The following MGAT4C variants were observed in gnomAD, a reference collection of about 807,000 sequenced individuals.
MGAT4C encodes the protein MGAT4 family member C.
MGAT4C carries 19 observed loss-of-function variants against 40.1 expected under a neutral mutation model. The ratio of observed to expected loss-of-function variants is 0.47; its 90% CI spans 0.33 to 0.70. The LOEUF (loss-of-function observed/expected upper bound fraction) is 0.70. MGAT4C is among the 30% of genes least tolerant of loss of function. The pLI, the probability that MGAT4C is intolerant of heterozygous loss-of-function variation, is 0.02. For synonymous variants in MGAT4C, 181 were observed against 187.1 expected (o/e 0.97, Z 0.27); for missense variants, 491 against 563.2 (o/e 0.87, Z 1.30).
At chr12:86,734,227 T>C (rs1950952430) in intron 1 of MGAT4C, among the ~76,000 whole-genome samples, 1 of 152,072 alleles carries the variant, frequency 6.6e-6, no homozygotes, top group Admixed American at 6.6e-5. Context: ...AAATAATTGC[T>C]AACAAGAGAT....
chr12:86,691,524 G>A (rs768188949), intron 2 of MGAT4C, among the ~76,000 whole-genome samples: 1 of 152,116 alleles, frequency 6.6e-6, no homozygotes, highest in Non-Finnish European at 1.5e-5. Flanking sequence ...CCCTACAAAT[G>A]TGAGCGAAAT....
At chr12:86,493,714 A>C (rs1452399655) in intron 2 of MGAT4C, among the ~76,000 whole-genome samples, 1 of 151,936 alleles carries the variant, frequency 6.6e-6, no homozygotes. Flanking sequence ...GAGTTAATGG[A>C]TGCAGCACAC....
At chr12:86,449,832 A>G (rs545253595) in intron 2 of MGAT4C, among the ~76,000 whole-genome samples, 1 of 152,262 alleles carries the variant, frequency 6.6e-6, no homozygotes, top group African/African-American at 2.4e-5. Context: ...TACCCATTCC[A>G]AATTTGATGG....
At chr12:86,746,904 G>A (rs10858471) in intron 1 of MGAT4C, among the ~76,000 whole-genome samples, 59,044 of 151,266 alleles carry the variant, frequency 0.39, 11,625 homozygotes, top group Non-Finnish European at 0.42. Context: ...TGTTTGTTTC[G>A]CTTGCTACAT....
chr12:86,020,497 AT>A (rs1453542716), intron 2 of MGAT4C, among the ~76,000 whole-genome samples: 7 of 152,198 alleles, frequency 4.6e-5, no homozygotes, highest in African/African-American at 9.6e-5. Context: ...AGGATTCCCT[AT>A]TTAATAAATG....
At chr12:86,309,350 T>C (rs1226786591) in intron 4 of MGAT4C, among the ~76,000 whole-genome samples, 1 of 152,186 alleles carries the variant, frequency 6.6e-6, no homozygotes, top group Non-Finnish European at 1.5e-5. Context: ...TACCATAGAC[T>C]GGGTAATGTA....
chr12:86,627,792 A>AGTGT (rs1962870875), intron 2 of MGAT4C, among the ~76,000 whole-genome samples: 1 of 150,950 alleles, frequency 6.6e-6, no homozygotes, highest in Admixed American at 6.6e-5. Flanking sequence ...GGGGAGAAAC[A>AGTGT]AGAGCAGAAA....
intron 4 of MGAT4C, among the ~76,000 whole-genome samples, chr12:86,296,130 T>C (rs4315153): frequency 0.83 from 70,584 of 84,940 alleles, 30,753 homozygotes; most frequent in East Asian, 0.95. Context: ...TTGAGCTAAA[T>C]ACAGGGTGCT....
At chr12:86,660,033 G>A (rs1446568431) in intron 2 of MGAT4C, among the ~76,000 whole-genome samples, 1 of 151,752 alleles carries the variant, frequency 6.6e-6, no homozygotes, top group Non-Finnish European at 1.5e-5. Flanking sequence ...ACAGCTTGAA[G>A]TCATGATAAC....
chr12:86,395,608 G>GT (rs1481155147), intron 3 of MGAT4C, among the ~76,000 whole-genome samples: 1 of 152,154 alleles, frequency 6.6e-6, no homozygotes, highest in African/African-American at 2.4e-5. Flanking sequence ...TTCAACCAAT[G>GT]TAAGTTTTTG....
At chr12:86,377,468 T>C (rs1955851635) in intron 3 of MGAT4C, among the ~76,000 whole-genome samples, 1 of 152,170 alleles carries the variant, frequency 6.6e-6, no homozygotes, top group Non-Finnish European at 1.5e-5. Flanking sequence ...AACCAACATA[T>C]TTGTCAGGGC....
chr12:86,115,704 A>G (rs1293194804), intron 1 of MGAT4C, among the ~76,000 whole-genome samples: 2 of 152,052 alleles, frequency 1.3e-5, no homozygotes, highest in African/African-American at 4.8e-5. Context: ...TTCTGAAAAG[A>G]ATACATTAGA....
chr12:86,604,877 T>C (rs1399414108), intron 2 of MGAT4C, among the ~76,000 whole-genome samples: 1 of 152,132 alleles, frequency 6.6e-6, no homozygotes, highest in African/African-American at 2.4e-5. Context: ...GTCATAAGAC[T>C]CTAGGGAGCA....
chr12:86,066,264 C>T (rs191947458), intron 1 of MGAT4C, among the ~76,000 whole-genome samples: 99 of 152,098 alleles, frequency 6.5e-4, no homozygotes, highest in African/African-American at 2.3e-3. Flanking sequence ...CAATCGTAAG[C>T]AAAAAGAACA....
chr12:86,290,582 G>C (rs914079651), intron 4 of MGAT4C, among the ~76,000 whole-genome samples: 5 of 152,036 alleles, frequency 3.3e-5, no homozygotes, highest in Admixed American at 2.6e-4. Flanking sequence ...TTGGTCCCTT[G>C]GTGATTAAAA....
chr12:86,826,503 A>G (rs1952811493), intron 1 of MGAT4C, among the ~76,000 whole-genome samples: 2 of 151,546 alleles, frequency 1.3e-5, no homozygotes, highest in African/African-American at 2.4e-5. Flanking sequence ...TGATATGTCC[A>G]TGTTTCAATG....
chr12:86,278,306 A>C (rs1332199404), intron 4 of MGAT4C, among the ~76,000 whole-genome samples: 4 of 150,146 alleles, frequency 2.7e-5, no homozygotes, highest in African/African-American at 7.3e-5. Flanking sequence ...GGCCCCTCAA[A>C]TAGCTGGGAT....
intron 2 of MGAT4C, among the ~76,000 whole-genome samples, chr12:86,480,134 T>G (rs559354199): frequency 6.6e-6 from 1 of 151,942 alleles, no homozygotes; most frequent in Admixed American, 6.6e-5. Flanking sequence ...ATATTATTTT[T>G]ATTTTCTATA....
intron 4 of MGAT4C, among the ~76,000 whole-genome samples, chr12:86,318,405 T>G (rs559461006): frequency 2.0e-5 from 3 of 152,352 alleles, no homozygotes; most frequent in African/African-American, 4.8e-5. Context: ...CCCTGATGTC[T>G]GGCAATGTCC....
Sources: allele counts gnomAD v4.1 joint callset (sites outside exome capture counted in the v4.1 genomes callset), GRCh38; gene constraint gnomAD v4.1.1; transcripts MANE v1.5; gene names NCBI Gene and HGNC (gene_info 2026-07-23, HGNC 2026-07-21).